Variants in MID2 observed in about 807,000 individuals in gnomAD.
MID2 encodes the protein midline 2, also known as probable E3 ubiquitin-protein ligase MID2.
Under a neutral mutation model 46.1 loss-of-function variants are expected in MID2, and 13 were observed. That is an observed-to-expected ratio of 0.28 (90% CI 0.18 to 0.45). The LOEUF is 0.45. Among genes scored for constraint, MID2 ranks in the 20% least tolerant of loss-of-function variants. MID2 has a pLI of 1.00. For missense variants in MID2, 431 were observed against 575.4 expected (o/e 0.75, Z 2.57); for synonymous variants, 199 against 212.3 (o/e 0.94, Z 0.55).
intron 3 of MID2, among the ~76,000 whole-genome samples, chrX:107,887,475 C>T (rs1389602492): frequency 1.8e-5 from 2 of 111,641 alleles, no homozygotes; most frequent in Non-Finnish European, 3.8e-5. Context: ...GGATGAAGCC[C>T]ACTTGATCAT....
At chrX:107,898,438 T>G (rs1467480322) in intron 3 of MID2, among the ~76,000 whole-genome samples, 2 of 112,461 alleles carry the variant, frequency 1.8e-5, no homozygotes, top group Non-Finnish European at 3.8e-5. Context: ...TGCTCATCCT[T>G]GAAGACCAGC....
intron 7 of MID2, 134 bp downstream of exon 7, chrX:107,917,873 G>A: frequency 1.9e-6 from 1 of 516,699 alleles, no homozygotes; most frequent in Non-Finnish European, 3.2e-6. Flanking sequence ...CAGTTGCTGG[G>A]GCCATTCCCA....
intron 2 of MID2, among the ~76,000 whole-genome samples, chrX:107,847,858 G>A (rs2147830310): frequency 9.0e-6 from 1 of 111,381 alleles, no homozygotes; most frequent in South Asian, 3.8e-4. Flanking sequence ...AAGAACAGGG[G>A]CTGTTACAGA....
rs780010112 is a variant in MID2, at chrX:107,840,783, C to A, written c.118C>A (p.Pro40Thr). ...AATCTGCCTAGAGTTGTTTGAAGAC[C>A]CCCTTCTGCTCCCTTGTGCTCACAG... ...CPICLELFED[P>T]LLLPCAHSLC... Residue 40 changes from proline (P) to threonine (T), a missense_variant, in exon 2 of 10, where the codon CCC becomes ACC. By Grantham distance (38) the Pro-to-Thr change is conservative. Transcript: ENST00000262843. 4.1e-6 allele frequency: 5 copies of A among 1,211,037 alleles called. No individual in the cohort carries two copies. Among genetic ancestry groups the A allele is most frequent in the Non-Finnish European group, 5.6e-6 (5 of 895,098 alleles).
At position 107,915,893 on chromosome X, in the gene MID2, A is replaced by T; in HGVS notation, c.1074-109A>T. 5.4e-6 allele frequency: 4 copies of T among 743,025 alleles called. No individual in the cohort carries two copies. The Admixed American group carries it at 1.4e-4, about 25-fold the overall frequency. 61.2% of individuals were successfully genotyped at this position (743,025 alleles called of 1,213,427 possible). ...GAGATATGATATTTTCACTAAATAA[A>T]TCAAGCCTTACAAGTCATTTATTTT... On this transcript the variant is annotated intron_variant, in intron 5 of 9. Coordinates refer to ENST00000262843, the MANE Select transcript of MID2 (RefSeq NM_012216.4).
chrX:107,876,895 A>C (rs1159578925), intron 3 of MID2, among the ~76,000 whole-genome samples: 1 of 111,776 alleles, frequency 8.9e-6, no homozygotes, highest in Non-Finnish European at 1.9e-5. Flanking sequence ...CAAATTCACC[A>C]GGCATCTGTT....
chrX:107,856,696 T>C (rs1020502796), intron 3 of MID2, among the ~76,000 whole-genome samples: 3 of 111,899 alleles, frequency 2.7e-5, no homozygotes, highest in Non-Finnish European at 5.6e-5. Context: ...ATCATTGTGT[T>C]AATAGGGAAG....
chrX:107,882,678 G>GAAA (rs1374642854), intron 3 of MID2, among the ~76,000 whole-genome samples: 1 of 111,840 alleles, frequency 8.9e-6, no homozygotes, highest in East Asian at 2.8e-4. Flanking sequence ...AGTTAGAATG[G>GAAA]CGATCATTAA....
chrX:107,879,203 C>T (rs1252936602), intron 3 of MID2, among the ~76,000 whole-genome samples: 1 of 111,922 alleles, frequency 8.9e-6, no homozygotes, highest in Non-Finnish European at 1.9e-5. Flanking sequence ...GTTAACAGCT[C>T]AGTGGAGGGT....
rs1005541687 is a variant in MID2, at chrX:107,883,199, C to T, written c.817-20759C>T. Reference sequence around the variant, plus strand: ...GGGAACATTACACACTGGGGCCTGTCGGGGAGTGGGGGGCTAGGGAAGGGT... The same window carrying T: ...GGGAACATTACACACTGGGGCCTGTTGGGGAGTGGGGGGCTAGGGAAGGGT... On this transcript the variant is annotated intron_variant, in intron 3 of 9. Coordinates refer to ENST00000262843, the MANE Select transcript of MID2 (RefSeq NM_012216.4). Among the ~76,000 whole-genome samples, 8 of 110,251 alleles carry T rather than the reference C, an allele frequency of 7.3e-5. No homozygotes were observed. In the South Asian group the frequency reaches 1.2e-3, roughly 16 times the overall value.
chrX:107,835,656 C>A (rs1199117587), intron 1 of MID2, among the ~76,000 whole-genome samples: 1 of 111,638 alleles, frequency 9.0e-6, no homozygotes, highest in Admixed American at 9.5e-5. Context: ...ATTTGTATAT[C>A]TTTGGAAAAA....
intron 3 of MID2, among the ~76,000 whole-genome samples, chrX:107,880,773 C>T (rs558132366): frequency 3.6e-5 from 4 of 111,735 alleles, no homozygotes; most frequent in South Asian, 3.8e-4. Flanking sequence ...CAAAGATGGT[C>T]GAGTTTTGGG....
At chrX:107,900,063 C>T (rs1362633650) in intron 3 of MID2, among the ~76,000 whole-genome samples, 1 of 111,427 alleles carries the variant, frequency 9.0e-6, no homozygotes, top group Non-Finnish European at 1.9e-5. Flanking sequence ...TTCTGGGGTG[C>T]TTCTTGACAT....
At chrX:107,834,454 TC>T (rs887474305) in intron 1 of MID2, among the ~76,000 whole-genome samples, 1 of 112,176 alleles carries the variant, frequency 8.9e-6, no homozygotes, top group African/African-American at 3.2e-5. Context: ...CAGATTCACA[TC>T]CTGTCTTCAT....
intron 5 of MID2, among the ~76,000 whole-genome samples, chrX:107,906,954 A>G (rs947727146): frequency 8.9e-6 from 1 of 112,193 alleles, no homozygotes; most frequent in Non-Finnish European, 1.9e-5. Flanking sequence ...CCTGACTCCT[A>G]TACTTTCTTC....
intron 1 of MID2, among the ~76,000 whole-genome samples, chrX:107,828,767 C>A (rs1931025377): frequency 9.0e-6 from 1 of 111,126 alleles, no homozygotes; most frequent in African/African-American, 3.3e-5. Flanking sequence ...ATTCCTATGA[C>A]TTTTCTTTCA....
In MID2 at chrX:107,930,068, A is replaced by G. The variant is rs1209085512; in HGVS notation, c.*2995A>G. The stretch of plus-strand genomic sequence containing the variant: ...ATTTTAATGAATAATCATCTTCCCT[A>G]CTAGACTGAACACCTTGAGAGGAAG... On this transcript the variant is annotated 3_prime_UTR_variant, in exon 10 of 10. Coordinates refer to ENST00000262843, the MANE Select transcript of MID2 (RefSeq NM_012216.4). 8.9e-6 allele frequency among the ~76,000 whole-genome samples: 1 copy of G among 111,764 alleles called. No individual in the cohort carries two copies. The highest frequency in any genetic ancestry group is 2.8e-4 in the East Asian group (1 of 3,566).
rs1229389042 is a variant in MID2, at chrX:107,862,410, G to A, written c.816+7706G>A. 3.6e-5 allele frequency among the ~76,000 whole-genome samples: 4 copies of A among 111,860 alleles called. No homozygotes were observed. The East Asian group carries it at 1.1e-3, about 31-fold the overall frequency. ...CTAAAACTTTTCTTGGGAAGAGGGAGTGGTAATGAAATTGCAGCAGCAAAA... is the reference window on the plus strand; with the variant it reads ...CTAAAACTTTTCTTGGGAAGAGGGAATGGTAATGAAATTGCAGCAGCAAAA... On this transcript the variant is annotated intron_variant, in intron 3 of 9. Coordinates refer to ENST00000262843, the MANE Select transcript of MID2 (RefSeq NM_012216.4).
In MID2 at chrX:107,926,203, A is replaced by G. The variant is rs1371525633; in HGVS notation, c.1707A>G (p.Pro569=). 2 of 1,206,590 alleles carry G rather than the reference A, an allele frequency of 1.7e-6. No individual in the cohort carries two copies. Among genetic ancestry groups the G allele is most frequent in the East Asian group, 3.0e-5 (1 of 33,720 alleles). ...GCTCTCTAAAGAAGAGCCACACCCC[A>G]GAGAGGTTTAGTGGCACAGGGTGCT... The part of the protein sequence containing the change: ...DESSLKKSHT[P]ERFSGTGCYG... The change falls in exon 9 of 10, where the codon CCA becomes CCG. Residue 569 remains proline (P), a synonymous_variant. Coordinates refer to ENST00000262843, the MANE Select transcript of MID2 (RefSeq NM_012216.4).
Sources: gnomAD v4.1 joint callset for allele counts (sites outside exome capture counted in the v4.1 genomes callset) on GRCh38, gnomAD v4.1.1 for gene constraint, MANE v1.5 for transcripts, NCBI Gene and HGNC (gene_info 2026-07-23, HGNC 2026-07-21) for gene names.